CAMSAP3: variants seen among roughly 807,000 people sequenced by gnomAD.
The protein encoded by CAMSAP3 is calmodulin-regulated spectrin-associated protein 3.
In CAMSAP3, 34 loss-of-function variants were observed where a neutral mutation model predicts 112.5. The ratio of observed to expected loss-of-function variants is 0.30; its 90% CI spans 0.23 to 0.40. The LOEUF (loss-of-function observed/expected upper bound fraction) is 0.40, where lower values mean the gene tolerates loss of function less well. CAMSAP3 is among the 10% of genes least tolerant of loss of function. The pLI is 1.00. For synonymous variants in CAMSAP3, 868 were observed against 799.8 expected (o/e 1.09, Z -1.44); for missense variants, 1,602 against 1,770.3 (o/e 0.90, Z 1.71).
At chr19:7,616,483 G>A in intron 13 of CAMSAP3, 40 bp from the exon 14 acceptor site, 1 of 1,412,434 alleles carries the variant, frequency 7.1e-7, no homozygotes, top group Non-Finnish European at 1.0e-6. Flanking sequence ...TGGAGGGCAG[G>A]GGCTTCTGGT....
In CAMSAP3 at chr19:7,610,730, T is replaced by C; in HGVS notation, c.931T>C (p.Phe311Leu). The C allele has an allele frequency of 1.9e-6, 3 of 1,614,028 alleles. No individual in the cohort carries two copies. The highest frequency in any genetic ancestry group is 2.5e-6 in the Non-Finnish European group (3 of 1,180,004). The change falls in exon 7 of 17, where the codon TTC becomes CTC. Residue 311 changes from phenylalanine to leucine, a missense_variant. Physicochemically the swap from Phe to Leu is conservative, Grantham distance 22. This residue lies in a region of CAMSAP3 where 1,100 missense variants were observed against 1,135.7 expected (regional missense o/e 0.97). Coordinates refer to ENST00000160298, the MANE Select transcript of CAMSAP3 (RefSeq NM_020902.2). The surrounding 1 kb of genome is among the most constrained non-coding windows in gnomAD (Gnocchi z 4.9). ...VNLVVMLAEL[F>L]MCFEVLKPDF... ...CTTGGTGGTGATGCTGGCCGAGTTG[T>C]TCATGTGTTTTGAGGTGCTCAAGCC...
chr19:7,610,712 G>T lies in CAMSAP3; in HGVS notation c.913G>T (p.Val305Leu), dbSNP rs1378126080. Residue 305 changes from valine (V) to leucine (L), a missense_variant, in exon 7 of 17, where the codon GTG becomes TTG. Physicochemically the swap from Val to Leu is conservative, Grantham distance 32. Transcript: ENST00000160298. The surrounding 1 kb of genome is among the most constrained non-coding windows in gnomAD (Gnocchi z 4.9). ...VPPPLKVNLV[V>L]MLAELFMCFE... ...CTCCCACCTCCAGGTCAACTTGGTG[G>T]TGATGCTGGCCGAGTTGTTCATGTG... 1 of 1,613,932 alleles carries T rather than the reference G, an allele frequency of 6.2e-7. No homozygotes were observed. Among genetic ancestry groups the T allele is most frequent in the Non-Finnish European group, 8.5e-7 (1 of 1,180,018 alleles).
chr19:7,611,651 G>C lies in CAMSAP3; in HGVS notation c.1194-36G>C, dbSNP rs757695291. 6.3e-7 allele frequency: 1 copy of C among 1,579,130 alleles called. No individual in the cohort carries two copies. Among genetic ancestry groups the C allele is most frequent in the East Asian group, 2.3e-5 (1 of 44,284 alleles). ...GCTAGGGCGGGTTGGGGCCGAGGCT[G>C]GTCCCAGGGGCTGACCCCTCCCTCC... On this transcript the variant is annotated intron_variant, in intron 10 of 16. Coordinates refer to ENST00000160298, the MANE Select transcript of CAMSAP3 (RefSeq NM_020902.2). The surrounding 1 kb of genome is among the most constrained non-coding windows in gnomAD (Gnocchi z 6.9).
chr19:7,599,299 C>CTT (rs2029863213), intron 1 of CAMSAP3, among the ~76,000 whole-genome samples: 1 of 122,178 alleles, frequency 8.2e-6, no homozygotes, highest in African/African-American at 3.0e-5. Flanking sequence ...CCCACCCACC[C>CTT]CACTCATCCA....
rs187919649 is a variant in CAMSAP3 at position 7,616,323 on chromosome 19, T to C, written c.3113-200T>C. On this transcript the variant is annotated intron_variant, in intron 13 of 16. Transcript: ENST00000160298. ...GGGGTGAGGCGTTGCCAGTAGGGGC[T>C]GACCCAGTGCTGCTCCCCACTTGCC... The C allele has an allele frequency of 1.4e-5, 8 of 552,382 alleles. No homozygotes were observed. In the East Asian group the frequency reaches 2.5e-4, roughly 17 times the overall value. 34.2% of individuals were successfully genotyped at this position (552,382 alleles called of 1,614,324 possible).
chr19:7,616,934 CTTTT>C (rs545769780), intron 14 of CAMSAP3, among the ~76,000 whole-genome samples: 1 of 83,034 alleles, frequency 1.2e-5, no homozygotes, highest in Admixed American at 1.6e-4. Context: ...TGTGGCCCGC[CTTTT>C]TTTTTTTTTT....
Position 7,616,579 on chromosome 19 carries a change from AACGAGGCCCACAATAACCTCGGGGTG to A in CAMSAP3, c.3171_3196del (p.Asn1057LysfsTer86). ...CACCCTGTCACTGTCCACTGTGGCC[AACGAGGCCCACAATAACCTCGGGGTG>A]AAGAGGCCCACGTCTCGGTGAGTTT... On this transcript the variant is annotated frameshift_variant, in exon 14 of 17. Transcript: ENST00000160298. LOFTEE classifies it high-confidence loss of function. 1 of 1,612,048 alleles carries A rather than the reference AACGAGGCCCACAATAACCTCGGGGTG, an allele frequency of 6.2e-7. No homozygotes were observed. The highest frequency in any genetic ancestry group is 8.5e-7 in the Non-Finnish European group (1 of 1,179,808).
intron 5 of CAMSAP3, among the ~76,000 whole-genome samples, chr19:7,608,649 T>C (rs1460561147): frequency 2.6e-5 from 4 of 151,518 alleles, no homozygotes; most frequent in African/African-American, 9.7e-5. Context: ...TTTTTTTTTT[T>C]TTGAGACGGG....
chr19:7,608,298 G>A (rs762773593), intron 5 of CAMSAP3, 34 bp downstream of exon 5: 8 of 1,589,054 alleles, frequency 5.0e-6, no homozygotes, highest in Admixed American at 3.4e-5. Flanking sequence ...ATCTTGTGCC[G>A]GGGAGCTGGG....
Position 7,615,220 on chromosome 19 carries a change from G to GGGCCAGCCTGCTGGAGCGGCAGCA in CAMSAP3, c.2710_2733dup (p.Ala904_Gln911dup). On this transcript the variant is annotated inframe_insertion, in exon 12 of 17. Coordinates refer to ENST00000160298, the MANE Select transcript of CAMSAP3 (RefSeq NM_020902.2). This position sits in a 1 kb window ranked among gnomAD's most constrained non-coding sequence, Gnocchi z 6.5. Reference sequence around the variant, plus strand: ...CCTGAGGACGAGATGGCCCAAAAGCGGGCCAGCCTGCTGGAGCGGCAGCAG... The same window carrying GGGCCAGCCTGCTGGAGCGGCAGCA: ...CCTGAGGACGAGATGGCCCAAAAGCGGGCCAGCCTGCTGGAGCGGCAGCAGGCCAGCCTGCTGGAGCGGCAGCAG... The GGGCCAGCCTGCTGGAGCGGCAGCA allele has an allele frequency of 6.4e-7, 1 of 1,552,726 alleles. No homozygotes were observed. Among genetic ancestry groups the GGGCCAGCCTGCTGGAGCGGCAGCA allele is most frequent in the Non-Finnish European group, 8.7e-7 (1 of 1,148,222 alleles).
chr19:7,603,669 G>A (rs1894932463), intron 1 of CAMSAP3, among the ~76,000 whole-genome samples: 1 of 152,088 alleles, frequency 6.6e-6, no homozygotes, highest in Non-Finnish European at 1.5e-5. Flanking sequence ...GCAACATGGT[G>A]AGGCTTCCAT....
At chr19:7,616,201 A>C (rs1356702662) in intron 13 of CAMSAP3, among the ~76,000 whole-genome samples, 1,510 of 112,584 alleles carry the variant, frequency 0.013, 17 homozygotes, top group African/African-American at 0.051. Context: ...ATAAGACAAA[A>C]AAAAAAAAAA....
intron 11 of CAMSAP3, among the ~76,000 whole-genome samples, chr19:7,614,037 G>A (rs566672115): frequency 1.3e-5 from 2 of 152,080 alleles, no homozygotes; most frequent in African/African-American, 2.4e-5. Flanking sequence ...CAAGGCAGGC[G>A]GATCATGAGG....
intron 2 of CAMSAP3, among the ~76,000 whole-genome samples, chr19:7,606,030 T>C (rs572089972): frequency 2.1e-4 from 32 of 152,156 alleles, no homozygotes; most frequent in African/African-American, 7.5e-4. Flanking sequence ...CAGCCCACCC[T>C]ATCCTAACGC....
chr19:7,610,377 G>A lies in CAMSAP3; in HGVS notation c.761-99G>A. On this transcript the variant is annotated intron_variant, in intron 5 of 16. Coordinates refer to ENST00000160298, the MANE Select transcript of CAMSAP3 (RefSeq NM_020902.2). The surrounding 1 kb of genome is among the most constrained non-coding windows in gnomAD (Gnocchi z 4.9). ...GCACCTGGCAGAAGCTGGGCTCATA[G>A]GAGGTCTTCCGTGTGTGGGGGACTG... is the stretch of plus-strand genomic sequence containing the variant. The A allele has an allele frequency of 1.8e-6, 2 of 1,086,472 alleles. No homozygotes were observed. The highest frequency in any genetic ancestry group is 2.4e-5 in the East Asian group (1 of 41,642). The allele number at this position is 1,086,472 out of a possible 1,614,324, so 67.3% of individuals were successfully genotyped here.
intron 1 of CAMSAP3, among the ~76,000 whole-genome samples, chr19:7,603,275 C>T (rs938732272): frequency 4.0e-5 from 6 of 150,238 alleles, no homozygotes; most frequent in African/African-American, 1.2e-4. Flanking sequence ...AGTGCAGTGG[C>T]GCAATCTCAG....
rs796490696 is a variant in CAMSAP3 at position 7,607,196 on chromosome 19, G to A, written c.621+625G>A. On this transcript the variant is annotated intron_variant, in intron 4 of 16. Transcript: ENST00000160298. This position sits in a 1 kb window ranked among gnomAD's most constrained non-coding sequence, Gnocchi z 4.9. ...GGGGGACCTGCAGCCCATCACAAAC[G>A]TGGATCCTGACCCTAGCAGGCAGGG... Among the ~76,000 whole-genome samples, 3 of 152,246 alleles carry A rather than the reference G, an allele frequency of 2.0e-5. No individual in the cohort carries two copies. Among genetic ancestry groups the A allele is most frequent in the African/African-American group, 7.2e-5 (3 of 41,530 alleles).
At position 7,611,227 on chromosome 19, in the gene CAMSAP3, A is replaced by T; in HGVS notation, c.1123+59A>T. 1.3e-6 allele frequency: 2 copies of T among 1,528,962 alleles called. No homozygotes were observed. The highest frequency in any genetic ancestry group is 2.2e-5 in the South Asian group (2 of 88,910). The allele number at this position is 1,528,962 out of a possible 1,614,324, so 94.7% of individuals were successfully genotyped here. ...GACCCCCCCACTCACAGACTGCCCC[A>T]GTGGGCCTCATGTTGTCTCCTCGTG... On this transcript the variant is annotated intron_variant, in intron 9 of 16. Coordinates refer to ENST00000160298, the MANE Select transcript of CAMSAP3 (RefSeq NM_020902.2). This position sits in a 1 kb window ranked among gnomAD's most constrained non-coding sequence, Gnocchi z 6.9.
At chr19:7,614,259 CAAAAAAAAAAA>C (rs1173068955) in intron 11 of CAMSAP3, among the ~76,000 whole-genome samples, 1 of 18,772 alleles carries the variant, frequency 5.3e-5, no homozygotes, top group Non-Finnish European at 8.8e-5. Context: ...GACTCCATCT[CAAAAAAAAAAA>C]AAAAAAAAAA....
Sources: allele counts gnomAD v4.1 joint callset (sites outside exome capture counted in the v4.1 genomes callset), GRCh38; gene constraint gnomAD v4.1.1; regional missense constraint gnomAD v4.1.1; non-coding constraint Gnocchi (gnomAD v3.1); transcripts MANE v1.5; gene names NCBI Gene and HGNC (gene_info 2026-07-23, HGNC 2026-07-21).